The following DNAJC6 variants were observed in gnomAD, a reference collection of about 807,000 sequenced individuals.
DNAJC6 encodes the protein auxilin.
In DNAJC6, 34 loss-of-function variants were observed where a neutral mutation model predicts 110.0. The ratio of observed to expected loss-of-function variants is 0.31; its 90% CI spans 0.24 to 0.41. The LOEUF is 0.41. Ranked by LOEUF, DNAJC6 falls within the 10% of genes least tolerant of loss-of-function variation. The pLI is 1.00. For missense variants in DNAJC6, 1,031 were observed against 1,207.8 expected, an observed-to-expected ratio of 0.85 and a Z score of 2.17; for synonymous variants, 406 against 437.2, an observed-to-expected ratio of 0.93 and a Z score of 0.89.
intron 1 of DNAJC6, among the ~76,000 whole-genome samples, chr1:65,311,803 T>C (rs1645104501): frequency 6.6e-6 from 1 of 152,172 alleles, no homozygotes; most frequent in Non-Finnish European, 1.5e-5. Context: ...TTCATAGGGA[T>C]TATTATTTTA....
At chr1:65,267,662 A>G (rs1028364403) in intron 1 of DNAJC6, among the ~76,000 whole-genome samples, 19 of 152,040 alleles carry the variant, frequency 1.2e-4, no homozygotes, top group Non-Finnish European at 7.4e-5. Context: ...ATGCAGCTTT[A>G]TATGCATATA....
chr1:65,333,373 A>G (rs1002401652), intron 1 of DNAJC6, among the ~76,000 whole-genome samples: 8 of 152,172 alleles, frequency 5.3e-5, no homozygotes, highest in African/African-American at 1.9e-4. Flanking sequence ...GGCATTGACC[A>G]TGGATAAAAA....
intron 1 of DNAJC6, among the ~76,000 whole-genome samples, chr1:65,300,775 G>A (rs1015852881): frequency 6.6e-6 from 1 of 152,174 alleles, no homozygotes; most frequent in Non-Finnish European, 1.5e-5. Context: ...ATGTTGTCAA[G>A]TGAGCAGCAG....
intron 1 of DNAJC6, among the ~76,000 whole-genome samples, chr1:65,280,439 G>A (rs531310427): frequency 6.6e-6 from 1 of 152,058 alleles, no homozygotes; most frequent in Non-Finnish European, 1.5e-5. Context: ...ATTAAAAGAA[G>A]ATTTAGAAAC....
chr1:65,296,732 G>A (rs760867445), intron 1 of DNAJC6, among the ~76,000 whole-genome samples: 11 of 151,898 alleles, frequency 7.2e-5, no homozygotes, highest in East Asian at 1.9e-4. Context: ...GATTAAAGGC[G>A]CACGCCACCA....
chr1:65,315,051 A>C (rs1246359108), intron 1 of DNAJC6, among the ~76,000 whole-genome samples: 1 of 152,212 alleles, frequency 6.6e-6, no homozygotes, highest in African/African-American at 2.4e-5. Context: ...TGTTCTCATC[A>C]GTGCAGAGTT....
At chr1:65,355,816 C>T (rs529460011) in intron 1 of DNAJC6, among the ~76,000 whole-genome samples, 1 of 151,640 alleles carries the variant, frequency 6.6e-6, no homozygotes, top group Non-Finnish European at 1.5e-5. Context: ...GAGATTCTTA[C>T]CCTAGGGAGG....
At chr1:65,334,710 T>A (rs1645319160) in intron 1 of DNAJC6, among the ~76,000 whole-genome samples, 1 of 151,570 alleles carries the variant, frequency 6.6e-6, no homozygotes, top group Non-Finnish European at 1.5e-5. Flanking sequence ...AAGTAAGGAG[T>A]AGTGGGTGTG....
chr1:65,375,611 A>T (rs1022881267), intron 4 of DNAJC6, among the ~76,000 whole-genome samples: 13 of 151,966 alleles, frequency 8.6e-5, no homozygotes, highest in Admixed American at 6.6e-4. Flanking sequence ...TATTTTTAGT[A>T]GAGACGGGAT....
chr1:65,383,776 A>G (rs564495959), intron 5 of DNAJC6, among the ~76,000 whole-genome samples: 1 of 152,326 alleles, frequency 6.6e-6, no homozygotes, highest in South Asian at 2.1e-4. Flanking sequence ...TTTATTTTAT[A>G]CGAATCTAGG....
At chr1:65,396,896 C>T (rs1238369595) in intron 13 of DNAJC6, among the ~76,000 whole-genome samples, 1 of 152,092 alleles carries the variant, frequency 6.6e-6, no homozygotes, top group African/African-American at 2.4e-5. Flanking sequence ...TTCTTTGATG[C>T]ACAGTGATAG....
chr1:65,385,960 G>T lies in DNAJC6; in HGVS notation c.995+54G>T, dbSNP rs114945946. On this transcript the variant is annotated intron_variant, in intron 7 of 18. Transcript: ENST00000371069. ...TGTACTTCTCAATTCTCATGTAAATGAGCAGGAATGAGTTGAATCATATTC... is the reference window on the plus strand; with the variant it reads ...TGTACTTCTCAATTCTCATGTAAATTAGCAGGAATGAGTTGAATCATATTC... 2,804 of 1,430,334 alleles carry T rather than the reference G, an allele frequency of 2.0e-3. 40 individuals carry two copies. The African/African-American group carries it at 0.034, about 17-fold the overall frequency. 88.6% of individuals were successfully genotyped at this position (1,430,334 alleles called of 1,614,324 possible). A position where few individuals can be genotyped will look rare whatever the true frequency, so the allele number is the denominator to read the frequency against.
intron 4 of DNAJC6, among the ~76,000 whole-genome samples, chr1:65,371,021 T>C (rs187580494): frequency 3.3e-5 from 5 of 152,118 alleles, no homozygotes; most frequent in African/African-American, 1.2e-4. Flanking sequence ...AAACAATCCC[T>C]GGCCTGGGGG....
intron 15 of DNAJC6, among the ~76,000 whole-genome samples, chr1:65,405,304 A>G (rs1646064342): frequency 6.6e-6 from 1 of 152,248 alleles, no homozygotes; most frequent in African/African-American, 2.4e-5. Context: ...GTATGAAGTT[A>G]AAACCTACTT....
At chr1:65,406,938 A>C (rs78008163) in intron 16 of DNAJC6, among the ~76,000 whole-genome samples, 4,577 of 152,314 alleles carry the variant, frequency 0.03, 126 homozygotes, top group Admixed American at 0.096. Flanking sequence ...AGCTGTAGCT[A>C]ACATTTATTG....
At chr1:65,347,729 A>G (rs1328348893) in intron 1 of DNAJC6, among the ~76,000 whole-genome samples, 1 of 152,050 alleles carries the variant, frequency 6.6e-6, no homozygotes, top group African/African-American at 2.4e-5. Flanking sequence ...ACACACATGC[A>G]TGTGCACACA....
intron 12 of DNAJC6, among the ~76,000 whole-genome samples, chr1:65,394,262 G>C (rs1645956687): frequency 1.3e-5 from 2 of 152,148 alleles, no homozygotes; most frequent in Non-Finnish European, 2.9e-5. Flanking sequence ...CTGAGGCTTA[G>C]ATGTATTGAT....
chr1:65,301,091 A>G (rs977533324), intron 1 of DNAJC6, among the ~76,000 whole-genome samples: 2 of 152,216 alleles, frequency 1.3e-5, no homozygotes, highest in African/African-American at 4.8e-5. Flanking sequence ...AAAAATTTCC[A>G]GTGTTTTCTT....
intron 1 of DNAJC6, among the ~76,000 whole-genome samples, chr1:65,278,325 T>C (rs1233463954): frequency 6.6e-6 from 1 of 152,216 alleles, no homozygotes; most frequent in East Asian, 1.9e-4. Flanking sequence ...GGAAATTAAA[T>C]AGGTCAATTC....
Sources: allele counts gnomAD v4.1 joint callset (sites outside exome capture counted in the v4.1 genomes callset), GRCh38; gene constraint gnomAD v4.1.1; transcripts MANE v1.5; gene names NCBI Gene and HGNC (gene_info 2026-07-23, HGNC 2026-07-21).